The following EPHB1 variants were observed in gnomAD, a reference collection of about 807,000 sequenced individuals.
The protein encoded by EPHB1 is ephrin type-B receptor 1.
Under a neutral mutation model 94.4 loss-of-function variants are expected in EPHB1, and 30 were observed. The ratio of observed to expected loss-of-function variants is 0.32; its 90% CI spans 0.24 to 0.43. EPHB1 has a LOEUF of 0.43. Among genes scored for constraint, EPHB1 ranks in the 20% least tolerant of loss-of-function variants. The pLI is 1.00. For synonymous variants in EPHB1, 522 were observed against 489.1 expected, an observed-to-expected ratio of 1.07 and a Z score of -0.89; for missense variants, 1,055 against 1,308.3, an observed-to-expected ratio of 0.81 and a Z score of 2.99.
At chr3:135,239,981 G>A (rs749574929) in intron 12 of EPHB1, among the ~76,000 whole-genome samples, 2 of 152,302 alleles carry the variant, frequency 1.3e-5, no homozygotes, top group Non-Finnish European at 2.9e-5. Flanking sequence ...CGCACAGGTA[G>A]AAAGAGGCAG....
Position 135,112,565 on chromosome 3 carries a change from G to A in EPHB1, c.961+5962G>A, listed in dbSNP as rs1012767049. Reference sequence around the variant, plus strand: ...TCCCCCCACCCCACAACAGTCCCCAGTGTGTGATATTCCCCTTCCTGTGTC... The same window carrying A: ...TCCCCCCACCCCACAACAGTCCCCAATGTGTGATATTCCCCTTCCTGTGTC... On this transcript the variant is annotated intron_variant, in intron 4 of 15. Transcript: ENST00000398015. Among the ~76,000 whole-genome samples, 3 of 113,886 alleles carry A rather than the reference G, an allele frequency of 2.6e-5. 1 individual carries two copies. The Admixed American group carries it at 3.9e-4, about 15-fold the overall frequency. The allele number at this position is 113,886 out of a possible 152,430, so 74.7% of individuals were successfully genotyped here.
At chr3:134,999,903 T>C (rs1465711796) in intron 3 of EPHB1, among the ~76,000 whole-genome samples, 1 of 152,196 alleles carries the variant, frequency 6.6e-6, no homozygotes, top group Non-Finnish European at 1.5e-5. Flanking sequence ...CAAGGTCTGC[T>C]CTTTCTCACT....
At chr3:134,830,839 GTCTGACA>G (rs2108293359) in intron 1 of EPHB1, among the ~76,000 whole-genome samples, 1 of 152,318 alleles carries the variant, frequency 6.6e-6, no homozygotes, top group Non-Finnish European at 1.5e-5. Context: ...GCCCTGGACA[GTCTGACA>G]TCTTTGTCCT....
intron 1 of EPHB1, among the ~76,000 whole-genome samples, chr3:134,837,591 C>A (rs1246833612): frequency 6.6e-6 from 1 of 152,172 alleles, no homozygotes; most frequent in African/African-American, 2.4e-5. Context: ...AGACTGGGTG[C>A]CCTCTGGGCT....
At chr3:135,038,752 G>T (rs1210459190) in intron 3 of EPHB1, among the ~76,000 whole-genome samples, 1 of 152,102 alleles carries the variant, frequency 6.6e-6, no homozygotes, top group Admixed American at 6.6e-5. Flanking sequence ...GAGTGTTACA[G>T]CTCATAAAAG....
At chr3:135,089,361 G>A (rs1938476915) in intron 3 of EPHB1, among the ~76,000 whole-genome samples, 1 of 152,226 alleles carries the variant, frequency 6.6e-6, no homozygotes, top group Non-Finnish European at 1.5e-5. Flanking sequence ...GCTGTTGTGA[G>A]AATAAAATGG....
chr3:135,001,012 A>C (rs1576306401), intron 3 of EPHB1, among the ~76,000 whole-genome samples: 2 of 152,274 alleles, frequency 1.3e-5, no homozygotes, highest in African/African-American at 4.8e-5. Flanking sequence ...GATTATCATC[A>C]TGTGAGGTCT....
intron 1 of EPHB1, among the ~76,000 whole-genome samples, chr3:134,870,371 G>A (rs2037473471): frequency 1.3e-5 from 2 of 152,158 alleles, no homozygotes; most frequent in Admixed American, 1.3e-4. Context: ...TTTAATCAGG[G>A]CATGAAGAAA....
intron 1 of EPHB1, among the ~76,000 whole-genome samples, chr3:134,800,767 A>G (rs1288608595): frequency 1.3e-5 from 2 of 152,226 alleles, no homozygotes; most frequent in African/African-American, 4.8e-5. Context: ...GCCTGGCACC[A>G]GTATATTTGG....
intron 9 of EPHB1, among the ~76,000 whole-genome samples, chr3:135,170,465 A>AG (rs1941774158): frequency 8.1e-6 from 1 of 123,942 alleles, no homozygotes; most frequent in Non-Finnish European, 1.6e-5. Context: ...GTGTGGTGCC[A>AG]GATGCTCTTC....
At chr3:135,044,831 G>A (rs1409507648) in intron 3 of EPHB1, among the ~76,000 whole-genome samples, 1 of 152,170 alleles carries the variant, frequency 6.6e-6, no homozygotes, top group Non-Finnish European at 1.5e-5. Context: ...GAGTACATGT[G>A]AGTATTCCTA....
chr3:134,987,090 G>A (rs1267670390), intron 3 of EPHB1, among the ~76,000 whole-genome samples: 1 of 151,834 alleles, frequency 6.6e-6, no homozygotes, highest in Non-Finnish European at 1.5e-5. Context: ...TGAAATACTG[G>A]GCACTCACTA....
intron 1 of EPHB1, among the ~76,000 whole-genome samples, chr3:134,886,873 T>C (rs1010915974): frequency 6.6e-6 from 1 of 152,194 alleles, no homozygotes; most frequent in African/African-American, 2.4e-5. Flanking sequence ...TCATGATTTC[T>C]GTCAAAGACC....
chr3:134,886,888 A>G (rs550525250), intron 1 of EPHB1, among the ~76,000 whole-genome samples: 4 of 152,260 alleles, frequency 2.6e-5, no homozygotes, highest in African/African-American at 7.2e-5. Context: ...AAGACCAGAG[A>G]CTGTTACAAA....
intron 3 of EPHB1, among the ~76,000 whole-genome samples, chr3:134,986,471 T>C (rs1329865191): frequency 1.3e-5 from 2 of 152,174 alleles, no homozygotes; most frequent in African/African-American, 4.8e-5. Flanking sequence ...AACATGCGGC[T>C]GATTCCAGAT....
At chr3:135,098,285 A>G (rs1938882995) in intron 3 of EPHB1, among the ~76,000 whole-genome samples, 1 of 152,212 alleles carries the variant, frequency 6.6e-6, no homozygotes, top group Non-Finnish European at 1.5e-5. Flanking sequence ...GAAACATAAT[A>G]ATAATGTCAC....
chr3:134,949,147 G>T (rs1196047937), intron 2 of EPHB1, among the ~76,000 whole-genome samples: 9 of 152,174 alleles, frequency 5.9e-5, no homozygotes, highest in Admixed American at 5.9e-4. Context: ...GACTATCCAG[G>T]ATAGTGAATC....
intron 3 of EPHB1, among the ~76,000 whole-genome samples, chr3:135,015,394 C>T (rs769228675): frequency 5.3e-5 from 8 of 152,182 alleles, no homozygotes; most frequent in Non-Finnish European, 8.8e-5. Context: ...TCACATGCCA[C>T]CACACCCAGC....
intron 1 of EPHB1, among the ~76,000 whole-genome samples, chr3:134,838,524 G>T (rs2036720439): frequency 6.6e-6 from 1 of 152,054 alleles, no homozygotes; most frequent in South Asian, 2.1e-4. Flanking sequence ...CATCCTGTGG[G>T]TCAGTCACTT....
Sources: gnomAD v4.1 joint callset for allele counts (sites outside exome capture counted in the v4.1 genomes callset) on GRCh38, gnomAD v4.1.1 for gene constraint, MANE v1.5 for transcripts, NCBI Gene and HGNC (gene_info 2026-07-23, HGNC 2026-07-21) for gene names.